The following WNK3 variants were observed in gnomAD, a reference collection of about 807,000 sequenced individuals.
WNK3 encodes WNK lysine deficient protein kinase 3, also known as serine/threonine-protein kinase WNK3.
In WNK3, 18 loss-of-function variants were observed where a neutral mutation model predicts 116.7. The observed-to-expected ratio is 0.15, with a 90% confidence interval of 0.11 to 0.23. The LOEUF is 0.23. WNK3 is among the 10% of genes least tolerant of loss of function. The probability of loss-of-function intolerance (pLI) is 1.00; values close to 1 mark genes in which losing one functional copy is unlikely to be tolerated. For missense variants in WNK3, 993 were observed against 1,323.8 expected, an observed-to-expected ratio of 0.75 and a Z score of 3.88; for synonymous variants, 404 against 469.4, an observed-to-expected ratio of 0.86 and a Z score of 1.80.
intron 1 of WNK3, among the ~76,000 whole-genome samples, chrX:54,342,855 T>C (rs1298722194): frequency 9.1e-6 from 1 of 110,192 alleles, no homozygotes; most frequent in African/African-American, 3.3e-5. Context: ...CTTCCTTTTT[T>C]TCTTTTTTTT....
chrX:54,210,664 A>T (rs2067603457), intron 22 of WNK3, among the ~76,000 whole-genome samples: 1 of 111,500 alleles, frequency 9.0e-6, no homozygotes, highest in Non-Finnish European at 1.9e-5. Context: ...TCTGGTTTGG[A>T]ACCCATCTAA....
At chrX:54,316,167 T>C (rs2068953021) in intron 2 of WNK3, among the ~76,000 whole-genome samples, 2 of 111,041 alleles carry the variant, frequency 1.8e-5, no homozygotes, top group Admixed American at 1.9e-4. Context: ...CCAACCCCAA[T>C]GTGACTGTAT....
intron 22 of WNK3, among the ~76,000 whole-genome samples, chrX:54,225,932 C>T (rs2067830947): frequency 9.1e-6 from 1 of 109,617 alleles, no homozygotes; most frequent in South Asian, 3.9e-4. Flanking sequence ...ATGGGATTGG[C>T]ATAAGGCCAG....
In WNK3 at chrX:54,280,056, C is replaced by T. The variant is rs935395966; in HGVS notation, c.2037+12832G>A. ...CTCACGCCTGTAAATCCCAGCACTT[C>T]GGGAGGCCGAGGCGGGTGGATCAGG... On this transcript the variant is annotated intron_variant, in intron 10 of 23. Transcript: ENST00000354646. Among the ~76,000 whole-genome samples the T allele has an allele frequency of 8.0e-5, 9 of 112,111 alleles. No individual in the cohort carries two copies. In the East Asian group the frequency reaches 2.5e-3, roughly 31 times the overall value.
chrX:54,211,924 C>CAA (rs782076963), intron 22 of WNK3, among the ~76,000 whole-genome samples: 4 of 105,023 alleles, frequency 3.8e-5, no homozygotes, highest in Non-Finnish European at 7.9e-5. Context: ...ATTTAGAACT[C>CAA]AAAAAAAAAA....
rs782688322 is a variant in WNK3, at chrX:54,211,490, C to T, written c.4871-9297G>A. 6.8e-4 allele frequency among the ~76,000 whole-genome samples: 71 copies of T among 105,154 alleles called. 1 individual carries two copies. In the South Asian group the frequency reaches 9.5e-3, roughly 14 times the overall value. The allele number at this position is 105,154 out of a possible 115,157, so 91.3% of individuals were successfully genotyped here. On this transcript the variant is annotated intron_variant, in intron 22 of 23. Coordinates refer to ENST00000354646, the Ensembl canonical transcript of WNK3. Reference sequence around the variant, plus strand: ...ATATCTCAGACTGACTGGATGTTCTCTAACCATAATGATTTTAAAGTACAA... The same window carrying T: ...ATATCTCAGACTGACTGGATGTTCTTTAACCATAATGATTTTAAAGTACAA...
Position 54,295,042 on chromosome X carries a change from GC to G in WNK3, c.1399-196del, listed in dbSNP as rs1199318808. 4.6e-5 allele frequency among the ~76,000 whole-genome samples: 5 copies of G among 107,568 alleles called. No homozygotes were observed. The Admixed American group carries it at 5.1e-4, about 11-fold the overall frequency. The allele number at this position is 107,568 out of a possible 115,157, so 93.4% of individuals were successfully genotyped here. On this transcript the variant is annotated intron_variant, in intron 7 of 23. Coordinates refer to ENST00000354646, the Ensembl canonical transcript of WNK3. ...CTCCCAAGTAGCTGGGATTACAGGT[GC>G]CCGCCACCACGCCCAGCTAATTTTT...
At chrX:54,213,559 A>AC in intron 22 of WNK3, among the ~76,000 whole-genome samples, 1 of 99,531 alleles carries the variant, frequency 1.0e-5, no homozygotes, top group South Asian at 4.1e-4. Context: ...GTCTCAAAAA[A>AC]AAAAACAAAC....
intron 17 of WNK3, among the ~76,000 whole-genome samples, chrX:54,245,538 C>A (rs2068067539): frequency 9.0e-6 from 1 of 110,601 alleles, no homozygotes. Context: ...CACACACATA[C>A]ACACACCTCA....
At chrX:54,356,506 T>C (rs2069595794) in intron 1 of WNK3, among the ~76,000 whole-genome samples, 2 of 111,260 alleles carry the variant, frequency 1.8e-5, no homozygotes, top group South Asian at 7.7e-4. Flanking sequence ...TATCCTTTAA[T>C]GCAAGGTATC....
At chrX:54,304,921 G>C (rs1002390029) in intron 5 of WNK3, among the ~76,000 whole-genome samples, 2 of 111,156 alleles carry the variant, frequency 1.8e-5, no homozygotes, top group East Asian at 2.8e-4. Flanking sequence ...CAGATCACCC[G>C]AGGTCAGGAG....
At chrX:54,244,380 G>A (rs1196046660) in intron 17 of WNK3, among the ~76,000 whole-genome samples, 5 of 111,758 alleles carry the variant, frequency 4.5e-5, no homozygotes, top group Non-Finnish European at 9.4e-5. Context: ...ATTAAGGCTG[G>A]GTAAAGGGTG....
intron 20 of WNK3, among the ~76,000 whole-genome samples, chrX:54,235,003 T>C (rs1335361916): frequency 8.9e-6 from 1 of 112,139 alleles, no homozygotes; most frequent in African/African-American, 3.2e-5. Context: ...AGCCTGTATA[T>C]ATATTTTAAA....
chrX:54,309,608 C>T (rs782308759), intron 3 of WNK3, among the ~76,000 whole-genome samples: 1 of 111,897 alleles, frequency 8.9e-6, no homozygotes, highest in Non-Finnish European at 1.9e-5. Flanking sequence ...TCTCAGCTCA[C>T]TGCAGCTTCC....
chrX:54,249,856 T>C, intron 16 of WNK3, 138 bp downstream of exon 16: 1 of 826,728 alleles, frequency 1.2e-6, no homozygotes, highest in Non-Finnish European at 1.7e-6. Flanking sequence ...AGTTGTATCC[T>C]AATATTAATG....
intron 10 of WNK3, among the ~76,000 whole-genome samples, chrX:54,274,972 C>T (rs1345656090): frequency 9.9e-6 from 1 of 101,331 alleles, no homozygotes; most frequent in African/African-American, 3.6e-5. Flanking sequence ...GACTGAGCCA[C>T]TGCACTCCAG....
At chrX:54,296,630 C>T (rs782776592) in intron 7 of WNK3, among the ~76,000 whole-genome samples, 199 of 111,465 alleles carry the variant, frequency 1.8e-3, no homozygotes, top group African/African-American at 6.0e-3. Context: ...CAGTTTAGAA[C>T]AACAGTATGA....
chrX:54,318,161 C>A (rs2068984450), intron 2 of WNK3, among the ~76,000 whole-genome samples: 1 of 108,171 alleles, frequency 9.2e-6, no homozygotes, highest in Non-Finnish European at 1.9e-5. Context: ...GAGTTCGAGA[C>A]CAGCCCAGCC....
chrX:54,312,511 T>C (rs922228400), intron 2 of WNK3, among the ~76,000 whole-genome samples: 4 of 110,306 alleles, frequency 3.6e-5, no homozygotes, highest in Non-Finnish European at 7.6e-5. Flanking sequence ...GATCTCAGCT[T>C]ACTGCAACCT....
Sources: gnomAD v4.1 joint callset for allele counts (sites outside exome capture counted in the v4.1 genomes callset) on GRCh38, gnomAD v4.1.1 for gene constraint, MANE v1.5 for transcripts, NCBI Gene and HGNC (gene_info 2026-07-23, HGNC 2026-07-21) for gene names.